PGR: variants seen among roughly 807,000 people sequenced by gnomAD.
The protein encoded by PGR is nuclear receptor subfamily 3 group C member 3.
A neutral mutation model predicts 76.1 loss-of-function variants in PGR; 25 were observed. That is an observed-to-expected ratio of 0.33 (90% confidence interval 0.24 to 0.46). The LOEUF (loss-of-function observed/expected upper bound fraction) is 0.46, where lower values mean the gene tolerates loss of function less well. PGR is among the 20% of genes least tolerant of loss of function. The pLI, the probability that PGR is intolerant of heterozygous loss-of-function variation, is 1.00. For missense variants in PGR, 1,172 were observed against 1,225.3 expected (o/e 0.96, Z 0.65); for synonymous variants, 579 against 535.0 (o/e 1.08, Z -1.14).
In PGR at chr11:101,126,010, C is replaced by A; in HGVS notation, c.1786G>T (p.Glu596Ter). ...SCKVFFKRAM[E>*]GQHNYLCAGR... ...GGATCAGGGGAAAGGAGCCTACCTT[C>A]CATTGCCCTCTTAAAGAAGACCTTA... Residue 596 changes from glutamate to a stop codon, truncating the protein, a stop_gained, in exon 2 of 8, where the codon GAA becomes TAA. Coordinates refer to ENST00000325455, the MANE Select transcript of PGR (RefSeq NM_000926.4). LOFTEE classifies it high-confidence loss of function. The A allele has an allele frequency of 6.2e-7, 1 of 1,613,810 alleles. No individual in the cohort carries two copies. The highest frequency in any genetic ancestry group is 8.5e-7 in the Non-Finnish European group (1 of 1,179,744).
intron 2 of PGR, among the ~76,000 whole-genome samples, chr11:101,098,794 A>G (rs963451958): frequency 6.6e-6 from 1 of 152,216 alleles, no homozygotes; most frequent in African/African-American, 2.4e-5. Context: ...TATATGCATA[A>G]AAATGTAGAA....
chr11:101,095,287 C>G (rs939323423), intron 2 of PGR, among the ~76,000 whole-genome samples: 7 of 152,176 alleles, frequency 4.6e-5, no homozygotes, highest in Admixed American at 3.3e-4. Flanking sequence ...AATTAAAATG[C>G]CATCTTAATT....
At chr11:101,119,692 T>C (rs1310626616) in intron 2 of PGR, among the ~76,000 whole-genome samples, 2 of 152,020 alleles carry the variant, frequency 1.3e-5, no homozygotes, top group Non-Finnish European at 2.9e-5. Context: ...ATAAACCAAA[T>C]AAAGAAATAC....
At chr11:101,081,479 A>T (rs536419256) in intron 3 of PGR, among the ~76,000 whole-genome samples, 1 of 152,084 alleles carries the variant, frequency 6.6e-6, no homozygotes, top group Non-Finnish European at 1.5e-5. Context: ...TTCAAAGGCA[A>T]TATTACAGAA....
At chr11:101,067,201 T>C (rs150800971) in intron 3 of PGR, among the ~76,000 whole-genome samples, 13 of 152,314 alleles carry the variant, frequency 8.5e-5, no homozygotes, top group African/African-American at 3.1e-4. Flanking sequence ...GATATTTGCA[T>C]GGCTTGCTTC....
chr11:101,049,341 G>A (rs1860007636), intron 6 of PGR, among the ~76,000 whole-genome samples: 1 of 152,114 alleles, frequency 6.6e-6, no homozygotes, highest in East Asian at 1.9e-4. Context: ...AAAAGTAGAA[G>A]TAGTGACTCT....
At chr11:101,092,202 T>A (rs1406726447) in intron 2 of PGR, among the ~76,000 whole-genome samples, 1 of 152,200 alleles carries the variant, frequency 6.6e-6, no homozygotes, top group Non-Finnish European at 1.5e-5. Flanking sequence ...TAGCTACACG[T>A]TTCTGATAAG....
intron 6 of PGR, among the ~76,000 whole-genome samples, chr11:101,047,928 A>C (rs916370061): frequency 6.6e-6 from 1 of 152,200 alleles, no homozygotes; most frequent in African/African-American, 2.4e-5. Context: ...TTTATAAAAC[A>C]TAATTTCCTC....
At chr11:101,071,708 A>G (rs1860942656) in intron 3 of PGR, among the ~76,000 whole-genome samples, 1 of 151,878 alleles carries the variant, frequency 6.6e-6, no homozygotes, top group Admixed American at 6.6e-5. Context: ...CAAATTTATC[A>G]AGCAGAAGAA....
At position 101,038,852 on chromosome 11, in the gene PGR, A is replaced by G; in HGVS notation, c.*264T>C. On this transcript the variant is annotated 3_prime_UTR_variant, in exon 8 of 8. Transcript: ENST00000325455. ...TGGTATGAAATAATATGGATAAGAT[A>G]GTTTACTTTAACAATTTTAGTACTT... 2.6e-6 allele frequency: 1 copy of G among 390,938 alleles called. No individual in the cohort carries two copies. Among genetic ancestry groups the G allele is most frequent in the Non-Finnish European group, 4.7e-6 (1 of 214,504 alleles). The allele number at this position is 390,938 out of a possible 1,614,324, so 24.2% of individuals were successfully genotyped here. A position where few individuals can be genotyped will look rare whatever the true frequency, so the allele number is the denominator to read the frequency against.
intron 3 of PGR, among the ~76,000 whole-genome samples, chr11:101,068,109 C>A (rs1682135754): frequency 1.3e-5 from 2 of 152,068 alleles, no homozygotes; most frequent in African/African-American, 4.8e-5. Context: ...CATATTGTTT[C>A]TATATGTCAT....
rs1296054222 is a variant in PGR, at chr11:101,127,437, A to T, written c.1634T>A (p.Leu545Gln). 2 of 1,549,126 alleles carry T rather than the reference A, an allele frequency of 1.3e-6. No individual in the cohort carries two copies. Among genetic ancestry groups the T allele is most frequent in the Non-Finnish European group, 1.7e-6 (2 of 1,149,700 alleles). ...GTGCCCCGTCCCGGGCCCTCACCTCAGGTAGTTGAGATAGGGCGGGTAGAC... is the reference window on the plus strand; with the variant it reads ...GTGCCCCGTCCCGGGCCCTCACCTCTGGTAGTTGAGATAGGGCGGGTAGAC... ...PQVYPPYLNY[L>Q]RPDSEASQSP... Residue 545 changes from leucine to glutamine, a missense_variant, in exon 1 of 8, where the codon CTG (leucine) becomes CAG (glutamine). By Grantham distance (113) the Leu-to-Gln change is moderately radical (BLOSUM62 -2). Transcript: ENST00000325455.
chr11:101,048,730 G>T (rs1415083439), intron 6 of PGR, among the ~76,000 whole-genome samples: 3 of 152,040 alleles, frequency 2.0e-5, no homozygotes, highest in African/African-American at 7.2e-5. Flanking sequence ...TATACACTAC[G>T]ATAGCCTTTA....
At chr11:101,043,686 C>A (rs1007221142) in intron 6 of PGR, among the ~76,000 whole-genome samples, 1 of 152,164 alleles carries the variant, frequency 6.6e-6, no homozygotes, top group Admixed American at 6.5e-5. Context: ...GATCTATGAA[C>A]TACAGAATGA....
rs1360233237 is a variant in PGR at position 101,079,232 on chromosome 11, G to T, written c.1906+12528C>A. ...AGACTTTTGGGTAAATATTTTTGTA[G>T]TAAGACCTCAAGGCATAGGCAATCA... is the stretch of plus-strand genomic sequence containing the variant. On this transcript the variant is annotated intron_variant, in intron 3 of 7. Coordinates refer to ENST00000325455, the MANE Select transcript of PGR (RefSeq NM_000926.4). Among the ~76,000 whole-genome samples the T allele has an allele frequency of 3.3e-5, 5 of 152,080 alleles. No individual in the cohort carries two copies. In the East Asian group the frequency reaches 9.6e-4, roughly 29 times the overall value.
At chr11:101,121,347 G>A (rs913422388) in intron 2 of PGR, among the ~76,000 whole-genome samples, 13 of 152,160 alleles carry the variant, frequency 8.5e-5, no homozygotes, top group Non-Finnish European at 1.2e-4. Flanking sequence ...GATGGAGAAA[G>A]CATTACAGAG....
Position 101,049,975 on chromosome 11 carries a change from G to A in PGR, c.2442C>T (p.Ser814=). ...CTTTCATACAGAGGAACTCTTCTTGGCTAACTTGAAGCTTGACAAACTCCT... is the reference window on the plus strand; with the variant it reads ...CTTTCATACAGAGGAACTCTTCTTGACTAACTTGAAGCTTGACAAACTCCT... ...IPQEFVKLQV[S]QEEFLCMKVL... The change falls in exon 6 of 8, where the codon AGC becomes AGT. Residue 814 remains serine, a synonymous_variant. Coordinates refer to ENST00000325455, the MANE Select transcript of PGR (RefSeq NM_000926.4). 6.2e-7 allele frequency: 1 copy of A among 1,612,224 alleles called. No homozygotes were observed. Among genetic ancestry groups the A allele is most frequent in the Non-Finnish European group, 8.5e-7 (1 of 1,178,824 alleles).
At chr11:101,059,297 A>T (rs1035393170) in intron 4 of PGR, among the ~76,000 whole-genome samples, 3 of 152,046 alleles carry the variant, frequency 2.0e-5, no homozygotes, top group Non-Finnish European at 2.9e-5. Context: ...TCACTTTCAC[A>T]TAACACTATA....
chr11:101,030,606 A>G lies in PGR; in HGVS notation c.*8510T>C, dbSNP rs528460693. On this transcript the variant is annotated 3_prime_UTR_variant, in exon 8 of 8. Coordinates refer to ENST00000325455, the MANE Select transcript of PGR (RefSeq NM_000926.4). ...CTCCTGGTCAGTTGGAGGCAGGCAT[A>G]TTGCTCTGAGGAGAATTGGAATTGT... 4.5e-6 allele frequency: 1 copy of G among 220,132 alleles called. No homozygotes were observed. Among genetic ancestry groups the G allele is most frequent in the Admixed American group, 5.8e-5 (1 of 17,230 alleles). The allele number at this position is 220,132 out of a possible 1,614,324, so 13.6% of individuals were successfully genotyped here.
Sources: allele counts gnomAD v4.1 joint callset (sites outside exome capture counted in the v4.1 genomes callset), GRCh38; gene constraint gnomAD v4.1.1; transcripts MANE v1.5; gene names NCBI Gene and HGNC (gene_info 2026-07-23, HGNC 2026-07-21).